The following RXRG variants were observed in gnomAD, a reference collection of about 807,000 sequenced individuals.
RXRG encodes retinoid X receptor gamma, also known as retinoic acid receptor RXR-gamma.
In RXRG, 19 loss-of-function variants were observed where a neutral mutation model predicts 49.2. The observed-to-expected ratio is 0.39, with a 90% CI of 0.27 to 0.57. The LOEUF (loss-of-function observed/expected upper bound fraction) is 0.57. RXRG is among the 20% of genes least tolerant of loss of function. The pLI is 0.64. For missense variants in RXRG, 452 were observed against 592.5 expected, an observed-to-expected ratio of 0.76 and a Z score of 2.46; for synonymous variants, 224 against 216.6, an observed-to-expected ratio of 1.03 and a Z score of -0.30.
In RXRG at chr1:165,404,789, G is replaced by A. The variant is rs149173892; in HGVS notation, c.1244+2023C>T. The stretch of plus-strand genomic sequence containing the variant: ...TTGTTTTTGTTTTTGATGGAGTTTC[G>A]CTCTTGTCATCCAGGCTGGAGTGCA... On this transcript the variant is annotated intron_variant, in intron 9 of 9. Transcript: ENST00000359842. Among the ~76,000 whole-genome samples the A allele has an allele frequency of 3.2e-3, 493 of 151,988 alleles. 1 individual carries two copies. The highest frequency in any genetic ancestry group is 0.01 in the African/African-American group (435 of 41,466).
Position 165,434,280 on chromosome 1 carries a change from A to ATG in RXRG, c.50-5316_50-5315dup, listed in dbSNP as rs57708987. 2.9e-3 allele frequency among the ~76,000 whole-genome samples: 379 copies of ATG among 131,062 alleles called. 1 individual carries two copies. The highest frequency in any genetic ancestry group is 9.1e-3 in the African/African-American group (358 of 39,248). The allele number at this position is 131,062 out of a possible 152,430, so 86.0% of individuals were successfully genotyped here. A position where few individuals can be genotyped will look rare whatever the true frequency, so the allele number is the denominator to read the frequency against. ...TCTAAACAATGAATTGCATGTGTGTATGTGTGTGTGTGTGTGTGTGTGTGT... is the reference window on the plus strand; with the variant it reads ...TCTAAACAATGAATTGCATGTGTGTATGTGTGTGTGTGTGTGTGTGTGTGTGT... On this transcript the variant is annotated intron_variant, in intron 1 of 9. Coordinates refer to ENST00000359842, the MANE Select transcript of RXRG (RefSeq NM_006917.5).
intron 1 of RXRG, among the ~76,000 whole-genome samples, chr1:165,436,158 C>G (rs1383293934): frequency 1.3e-5 from 2 of 152,188 alleles, no homozygotes; most frequent in Non-Finnish European, 2.9e-5. Flanking sequence ...TGCAGATCAT[C>G]GAGTTCAACC....
intron 2 of RXRG, chr1:165,424,618 A>G (rs1658423611): frequency 4.7e-6 from 1 of 212,548 alleles, no homozygotes; most frequent in East Asian, 1.8e-4. Context: ...TTACTCCTCA[A>G]GATCAAAAAT....
Position 165,408,238 on chromosome 1 carries a change from A to T in RXRG, c.1127T>A (p.Leu376His). The T allele has an allele frequency of 6.2e-7, 1 of 1,613,786 alleles. No homozygotes were observed. The highest frequency in any genetic ancestry group is 1.1e-5 in the South Asian group (1 of 91,080). The change falls in exon 8 of 10, where the codon CTC becomes CAC. Residue 376 changes from leucine (L) to histidine (H), a missense_variant. Around this residue, in one of 2 missense-constraint regions of RXRG, gnomAD observed 286 missense variants for 440.9 expected, o/e 0.65. Transcript: ENST00000359842. ...TGAAGGGCGGTTACCTGGGTTAAAGAGTACAATGGCTCGCAGGCATCCCAG... is the reference window on the plus strand; with the variant it reads ...TGAAGGGCGGTTACCTGGGTTAAAGTGTACAATGGCTCGCAGGCATCCCAG... ...SELGCLRAIV[L>H]FNPDAKGLSN...
chr1:165,443,758 A>G (rs1400999426), intron 1 of RXRG, among the ~76,000 whole-genome samples: 4 of 152,182 alleles, frequency 2.6e-5, no homozygotes, highest in African/African-American at 4.8e-5. Flanking sequence ...GTGTGTCACC[A>G]TGCCTCCCAG....
rs778942617 is a variant in RXRG, at chr1:165,417,025, ACTGAATGTGTCT to A, written c.622+4_622+15del. On this transcript the variant is annotated splice_donor_5th_base_variant and intron_variant, in intron 4 of 9. Coordinates refer to ENST00000359842, the MANE Select transcript of RXRG (RefSeq NM_006917.5). The stretch of plus-strand genomic sequence containing the variant: ...CCTCTCTCCGGACACGAGTTTTGGA[ACTGAATGTGTCT>A]CACCTTCCCTCTTCATGCCCATGAC... 6.2e-7 allele frequency: 1 copy of A among 1,603,882 alleles called. No individual in the cohort carries two copies. Among genetic ancestry groups the A allele is most frequent in the African/African-American group, 1.3e-5 (1 of 74,794 alleles).
chr1:165,425,067 C>T (rs1184419943), intron 2 of RXRG: 4 of 449,608 alleles, frequency 8.9e-6, no homozygotes, highest in Non-Finnish European at 1.2e-5. Flanking sequence ...CCCAGTTGGC[C>T]AGGACCAAAG....
At chr1:165,444,292 CAG>C (rs1342511399) in intron 1 of RXRG, among the ~76,000 whole-genome samples, 1 of 152,106 alleles carries the variant, frequency 6.6e-6, no homozygotes, top group African/African-American at 2.4e-5. Flanking sequence ...GGAAAGAAAA[CAG>C]GGGAAGGAAA....
Position 165,405,430 on chromosome 1 carries a change from T to C in RXRG, c.1244+1382A>G, listed in dbSNP as rs541423433. ...CAATATTTTCTTCTGTTCTTCGGCA[T>C]ACAACAGGATACATTCTCCAGCCTC... On this transcript the variant is annotated intron_variant, in intron 9 of 9. Coordinates refer to ENST00000359842, the MANE Select transcript of RXRG (RefSeq NM_006917.5). 1.4e-3 allele frequency among the ~76,000 whole-genome samples: 216 copies of C among 152,358 alleles called. 1 individual carries two copies. Among genetic ancestry groups the C allele is most frequent in the Non-Finnish European group, 2.1e-3 (143 of 68,034 alleles).
intron 2 of RXRG, chr1:165,424,908 CGTTA>C: frequency 2.0e-6 from 2 of 985,374 alleles, no homozygotes; most frequent in Admixed American, 6.1e-5. Flanking sequence ...AGTGTCATCT[CGTTA>C]ACCGAGCAAA....
At chr1:165,439,439 G>A (rs61800589) in intron 1 of RXRG, among the ~76,000 whole-genome samples, 37,769 of 152,172 alleles carry the variant, frequency 0.25, 6,124 homozygotes, top group Non-Finnish European at 0.35. Flanking sequence ...CATGAATCCA[G>A]GTGGAACTGC....
intron 1 of RXRG, among the ~76,000 whole-genome samples, chr1:165,434,953 A>G (rs1658780450): frequency 6.6e-6 from 1 of 152,228 alleles, no homozygotes; most frequent in Non-Finnish European, 1.5e-5. Flanking sequence ...TTGTGTAACA[A>G]TAATAATAAC....
chr1:165,423,379 A>T (rs1383892199), intron 2 of RXRG, among the ~76,000 whole-genome samples: 2 of 152,200 alleles, frequency 1.3e-5, no homozygotes, highest in Non-Finnish European at 2.9e-5. Context: ...TGTCTGCTGG[A>T]TCGTCTTCCC....
chr1:165,417,133 T>G lies in RXRG; in HGVS notation c.530A>C (p.Asp177Ala), dbSNP rs1658151011. The change falls in exon 4 of 10, where the codon GAT becomes GCT. Residue 177 changes from aspartate to alanine, a missense_variant. This residue lies in a region of RXRG where 286 missense variants were observed against 440.9 expected (regional missense o/e 0.65). Coordinates refer to ENST00000359842, the MANE Select transcript of RXRG (RefSeq NM_006917.5). ...CTTGTCAATGAGGCAGTCTTTATTA[T>G]CCCGACACGTGTAGATGAGGTCCTT... ...IRKDLIYTCR[D>A]NKDCLIDKRQ... 6.2e-7 allele frequency: 1 copy of G among 1,614,070 alleles called. No homozygotes were observed. Among genetic ancestry groups the G allele is most frequent in the African/African-American group, 1.3e-5 (1 of 74,938 alleles).
intron 1 of RXRG, among the ~76,000 whole-genome samples, chr1:165,433,253 T>G (rs1658727359): frequency 6.6e-6 from 1 of 152,164 alleles, no homozygotes; most frequent in Non-Finnish European, 1.5e-5. Context: ...CTTCCAAGTC[T>G]CCAGAACTGT....
In RXRG at chr1:165,409,813, A is replaced by T. The variant is rs1425302551; in HGVS notation, c.914-123T>A. ...GCAGAATTGACAATCTAGGGAGGTT[A>T]AGAATTAGTTCAAGATGACACAGTT... On this transcript the variant is annotated intron_variant, in intron 6 of 9. Transcript: ENST00000359842. 8.6e-6 allele frequency: 8 copies of T among 928,634 alleles called. No individual in the cohort carries two copies. The African/African-American group carries it at 1.4e-4, about 16-fold the overall frequency. 57.5% of individuals were successfully genotyped at this position (928,634 alleles called of 1,614,324 possible). A position where few individuals can be genotyped will look rare whatever the true frequency, so the allele number is the denominator to read the frequency against.
intron 2 of RXRG, among the ~76,000 whole-genome samples, chr1:165,420,593 T>G (rs1335811834): frequency 6.6e-6 from 1 of 152,126 alleles, no homozygotes; most frequent in Non-Finnish European, 1.5e-5. Flanking sequence ...AGAAAGGACA[T>G]GTGTAATGGT....
At chr1:165,426,673 A>T (rs1026425026) in intron 2 of RXRG, among the ~76,000 whole-genome samples, 5 of 152,200 alleles carry the variant, frequency 3.3e-5, no homozygotes, top group African/African-American at 1.2e-4. Flanking sequence ...CTAAAACTGT[A>T]TTCAAAGGAG....
chr1:165,411,893 G>A (rs1337043016), intron 4 of RXRG, among the ~76,000 whole-genome samples: 3 of 152,174 alleles, frequency 2.0e-5, no homozygotes, highest in Non-Finnish European at 4.4e-5. Context: ...AAAAGTCTCT[G>A]TTGGGTTAGT....
Sources: allele counts gnomAD v4.1 joint callset (sites outside exome capture counted in the v4.1 genomes callset), GRCh38; gene constraint gnomAD v4.1.1; regional missense constraint gnomAD v4.1.1; transcripts MANE v1.5; gene names NCBI Gene and HGNC (gene_info 2026-07-23, HGNC 2026-07-21).